Variants in MORN3 observed in about 807,000 individuals in gnomAD.
MORN3 encodes the protein MORN repeat containing 3, also known as MORN repeat-containing protein 3.
MORN3 carries 38 observed loss-of-function variants against 34.7 expected under a neutral mutation model. The observed-to-expected ratio is 1.10, with a 90% CI of 0.85 to 1.44. The LOEUF (loss-of-function observed/expected upper bound fraction) is 1.44, where lower values mean the gene tolerates loss of function less well. Ranked by LOEUF, MORN3 falls within the 40% of genes most tolerant of loss-of-function variation. The probability of loss-of-function intolerance (pLI) is 0.00; values close to 1 mark genes in which losing one functional copy is unlikely to be tolerated. For missense variants in MORN3, 311 were observed against 321.7 expected (o/e 0.97, Z 0.25); for synonymous variants, 109 against 115.3 (o/e 0.95, Z 0.35).
chr12:121,672,371 G>T (rs1282306682), upstream of MORN3, among the ~76,000 whole-genome samples: 1 of 152,102 alleles, frequency 6.6e-6, no homozygotes, highest in Non-Finnish European at 1.5e-5. Flanking sequence ...GAGGTGGGAA[G>T]ATGCCTTGAT....
intron 1 of MORN3, among the ~76,000 whole-genome samples, chr12:121,665,368 G>A (rs1444295416): frequency 1.6e-5 from 2 of 124,252 alleles, no homozygotes; most frequent in African/African-American, 3.0e-5. Flanking sequence ...TCGGCTCACT[G>A]CAAGCTCCGC....
intron 2 of MORN3, among the ~76,000 whole-genome samples, chr12:121,657,554 G>C (rs1008297233): frequency 6.6e-6 from 1 of 151,978 alleles, no homozygotes; most frequent in Non-Finnish European, 1.5e-5. Context: ...AGAATGTTCC[G>C]GGAGACTGAT....
intron 1 of MORN3, among the ~76,000 whole-genome samples, chr12:121,667,603 C>T (rs115684626): frequency 0.038 from 5,798 of 152,054 alleles, 219 homozygotes; most frequent in African/African-American, 0.095. Flanking sequence ...TCACCCACAC[C>T]GTCCTCCTGG....
At chr12:121,658,457 C>T (rs138898723) in intron 2 of MORN3, among the ~76,000 whole-genome samples, 8 of 149,552 alleles carry the variant, frequency 5.3e-5, no homozygotes, top group African/African-American at 1.5e-4. Context: ...TCCCAGCAAC[C>T]TGGGAAGCTG....
At chr12:121,662,871 A>G (rs1893627147) in intron 1 of MORN3, among the ~76,000 whole-genome samples, 1 of 152,050 alleles carries the variant, frequency 6.6e-6, no homozygotes, top group African/African-American at 2.4e-5. Context: ...TGAAAGTCCC[A>G]GCTACTTGGG....
At chr12:121,658,690 T>C (rs936697342) in intron 2 of MORN3, among the ~76,000 whole-genome samples, 1 of 151,928 alleles carries the variant, frequency 6.6e-6, no homozygotes, top group Admixed American at 6.6e-5. Flanking sequence ...TCCACACTTG[T>C]GGGAGTAGAT....
rs139997208 is a variant in MORN3 at position 121,659,907 on chromosome 12, G to C, written c.146-559C>G. ...AGAATGTGAGCTGCAGGAGGGCACA[G>C]ACTTTGGTCTGTTTTGTTCCCTGCA... is the stretch of plus-strand genomic sequence containing the variant. On this transcript the variant is annotated intron_variant, in intron 1 of 5. Transcript: ENST00000355329. Among the ~76,000 whole-genome samples the C allele has an allele frequency of 6.5e-3, 983 of 151,718 alleles. 29 individuals carry two copies. The highest frequency in any genetic ancestry group is 0.047 in the Admixed American group (717 of 15,212).
At chr12:121,658,295 G>T (rs1290644142) in intron 2 of MORN3, among the ~76,000 whole-genome samples, 1 of 152,076 alleles carries the variant, frequency 6.6e-6, no homozygotes, top group Admixed American at 6.6e-5. Flanking sequence ...GGCCGGGCGC[G>T]GTGGCTCACG....
intron 2 of MORN3, among the ~76,000 whole-genome samples, chr12:121,655,382 C>G (rs1893387117): frequency 6.6e-6 from 1 of 151,746 alleles, no homozygotes; most frequent in African/African-American, 2.4e-5. Context: ...TCGCCCCCCT[C>G]CCACTCTTAT....
intron 1 of MORN3, among the ~76,000 whole-genome samples, chr12:121,669,028 G>GAA (rs1265544311): frequency 2.6e-5 from 4 of 152,166 alleles, no homozygotes; most frequent in African/African-American, 9.7e-5. Context: ...AGCCAGCCCA[G>GAA]TGCTTAACCC....
chr12:121,660,355 C>CTTTTTT lies in MORN3; in HGVS notation c.146-1013_146-1008dup, dbSNP rs200327265. 1.2e-3 allele frequency among the ~76,000 whole-genome samples: 158 copies of CTTTTTT among 128,772 alleles called. 3 individuals are homozygous for CTTTTTT. The highest frequency in any genetic ancestry group is 4.3e-3 in the African/African-American group (143 of 32,898). 84.5% of individuals were successfully genotyped at this position (128,772 alleles called of 152,430 possible). A position where few individuals can be genotyped will look rare whatever the true frequency, so the allele number is the denominator to read the frequency against. The stretch of plus-strand genomic sequence containing the variant: ...TCTCTTTTTTTTTCTTTCTTTCTTT[C>CTTTTTT]TTTTTTTTTTTTTTGAGACAGAGTC... On this transcript the variant is annotated intron_variant, in intron 1 of 5. Transcript: ENST00000355329.
rs188588103 is a variant in MORN3, at chr12:121,666,096, A to G, written c.145+3243T>C. 1.9e-3 allele frequency among the ~76,000 whole-genome samples: 296 copies of G among 152,174 alleles called. 6 individuals are homozygous for G. The highest frequency in any genetic ancestry group is 0.016 in the Admixed American group (239 of 15,250). On this transcript the variant is annotated intron_variant, in intron 1 of 5. Coordinates refer to ENST00000355329, the MANE Select transcript of MORN3 (RefSeq NM_173855.5). ...TGTAATCCCAGAACTTTGGGAGGCC[A>G]AGGTGGGCAGATCACTTGAGGTCAG... is the stretch of plus-strand genomic sequence containing the variant.
At chr12:121,663,199 C>CTTT (rs34572988) in intron 1 of MORN3, among the ~76,000 whole-genome samples, 2 of 140,050 alleles carry the variant, frequency 1.4e-5, no homozygotes, top group Admixed American at 1.5e-4. Flanking sequence ...GAAATGTAGA[C>CTTT]TTTTTTTTTT....
chr12:121,665,425 G>A (rs1893722275), intron 1 of MORN3, among the ~76,000 whole-genome samples: 1 of 149,574 alleles, frequency 6.7e-6, no homozygotes, highest in Admixed American at 6.7e-5. Context: ...TCAGTAGCTG[G>A]GACTACAGGC....
chr12:121,662,025 T>TA (rs1893599706), intron 1 of MORN3, among the ~76,000 whole-genome samples: 1 of 151,904 alleles, frequency 6.6e-6, no homozygotes, highest in African/African-American at 2.4e-5. Flanking sequence ...GAAAGACAAA[T>TA]ACTGCATGAT....
In MORN3 at chr12:121,659,176, G is replaced by A; in HGVS notation, c.303+15C>T. On this transcript the variant is annotated intron_variant, in intron 2 of 5. Coordinates refer to ENST00000355329, the MANE Select transcript of MORN3 (RefSeq NM_173855.5). The stretch of plus-strand genomic sequence containing the variant: ...ACACACACACACACACACCCCGGCT[G>A]GCAGGCCTGCTCACCGATTTCTTAT... 1 of 1,602,152 alleles carries A rather than the reference G, an allele frequency of 6.2e-7. No homozygotes were observed. The highest frequency in any genetic ancestry group is 8.5e-7 in the Non-Finnish European group (1 of 1,172,636).
intron 4 of MORN3, 49 bp from the exon 5 acceptor site, chr12:121,652,857 G>GCTC: frequency 6.2e-7 from 1 of 1,600,200 alleles, no homozygotes; most frequent in Middle Eastern, 1.7e-4. Flanking sequence ...GAGGACCCAG[G>GCTC]CTGCCAGCCT....
chr12:121,653,207 C>T lies in MORN3; in HGVS notation c.516G>A (p.Ala172=), dbSNP rs782721890. The T allele has an allele frequency of 9.3e-6, 15 of 1,614,074 alleles. No individual in the cohort carries two copies. The highest frequency in any genetic ancestry group is 5.0e-5 in the Admixed American group (3 of 59,986). Residue 172 remains alanine, a synonymous_variant, in exon 4 of 6, where the codon GCG becomes GCA. Transcript: ENST00000355329. ...GCWERGMKNG[A]GRFFHLDHGQ... ...CGTGGTCCAGATGGAAGAAACGCCC[C>T]GCCCCGTTCTTCATGCCTCTCTCCC...
chr12:121,662,304 T>C (rs1047364819), intron 1 of MORN3, among the ~76,000 whole-genome samples: 2 of 152,092 alleles, frequency 1.3e-5, no homozygotes, highest in African/African-American at 4.8e-5. Flanking sequence ...CTGTCTCTAC[T>C]AAATATACAC....
Sources: gnomAD v4.1 joint callset for allele counts (sites outside exome capture counted in the v4.1 genomes callset) on GRCh38, gnomAD v4.1.1 for gene constraint, MANE v1.5 for transcripts, NCBI Gene and HGNC (gene_info 2026-07-23, HGNC 2026-07-21) for gene names.